The following ZNF841 variants were observed in gnomAD, a reference collection of about 807,000 sequenced individuals.
The protein encoded by ZNF841 is TCONS_00006091.
A neutral mutation model predicts 13.0 loss-of-function variants in ZNF841; 11 were observed. The observed-to-expected ratio is 0.85, with a 90% confidence interval of 0.53 to 1.40. The LOEUF (loss-of-function observed/expected upper bound fraction) is 1.40, where lower values mean the gene tolerates loss of function less well. ZNF841 is among the 40% of genes most tolerant of loss of function. The pLI, the probability that ZNF841 is intolerant of heterozygous loss-of-function variation, is 0.00. For synonymous variants in ZNF841, 369 were observed against 381.6 expected, an observed-to-expected ratio of 0.97 and a Z score of 0.38; for missense variants, 1,068 against 1,139.5, an observed-to-expected ratio of 0.94 and a Z score of 0.90.
intron 6 of ZNF841, among the ~76,000 whole-genome samples, chr19:52,071,941 C>A (rs115872595): frequency 0.012 from 1,770 of 152,260 alleles, 36 homozygotes; most frequent in African/African-American, 0.041. Context: ...TTCAGCTGCA[C>A]ACTATCCAGA....
rs2087559626 is a variant in ZNF841, at chr19:52,066,326, C to T, written c.1556G>A (p.Gly519Asp). 6 of 1,613,884 alleles carry T rather than the reference C, an allele frequency of 3.7e-6. No individual in the cohort carries two copies. The highest frequency in any genetic ancestry group is 5.1e-6 in the Non-Finnish European group (6 of 1,179,852). The change falls in exon 7 of 7, where the codon GGC (glycine) becomes GAC (aspartate). Residue 519 changes from glycine (G) to aspartate (D), a missense_variant. Physicochemically the swap from Gly to Asp is moderately conservative, Grantham distance 94. Transcript: ENST00000594440. ...TAATGAGCCCCAATTAAAGGCTTTG[C>T]CACATTCATTACATTTGTAAGGTTT... The part of the protein sequence containing the change: ...GEKPYKCNEC[G>D]KAFNWGSLLT...
chr19:52,063,324 C>T (rs1301970494), downstream of ZNF841, among the ~76,000 whole-genome samples: 1 of 152,066 alleles, frequency 6.6e-6, no homozygotes, highest in African/African-American at 2.4e-5. Flanking sequence ...TATAAATTCT[C>T]TCAAACTCCA....
chr19:52,066,552 G>A lies in ZNF841; in HGVS notation c.1330C>T (p.Leu444Phe). 6.2e-7 allele frequency: 1 copy of A among 1,613,732 alleles called. No individual in the cohort carries two copies. The highest frequency in any genetic ancestry group is 1.1e-5 in the South Asian group (1 of 91,050). Residue 444 changes from leucine to phenylalanine, a missense_variant, in exon 7 of 7, where the codon CTT (leucine) becomes TTT (phenylalanine). By Grantham distance (22) the Leu-to-Phe change is conservative. Transcript: ENST00000594440. Reference sequence around the variant, plus strand: ...GTATGAATTATCTGGTGCCTTACAAGTTGTGAATTCTGATAAAAGACCTTG... The same window carrying A: ...GTATGAATTATCTGGTGCCTTACAAATTGTGAATTCTGATAAAAGACCTTG... ...CGKVFYQNSQ[L>F]VRHQIIHTGE...
At chr19:52,078,798 T>C (rs1014732645) in intron 4 of ZNF841, among the ~76,000 whole-genome samples, 2 of 151,966 alleles carry the variant, frequency 1.3e-5, no homozygotes, top group African/African-American at 2.4e-5. Context: ...CTGTATCTTA[T>C]GTAGAGAAAA....
At chr19:52,081,309 A>G (rs2088091109) in intron 4 of ZNF841, among the ~76,000 whole-genome samples, 1 of 152,242 alleles carries the variant, frequency 6.6e-6, no homozygotes, top group Non-Finnish European at 1.5e-5. Context: ...TGTTCAACAC[A>G]GATGAAACCA....
intron 5 of ZNF841, chr19:52,076,456 A>T (rs2087904179): frequency 3.0e-6 from 1 of 336,482 alleles, no homozygotes; most frequent in South Asian, 3.0e-5. Flanking sequence ...TGAGCACAGG[A>T]GTTCAAGATC....
In ZNF841 at chr19:52,065,276, C is replaced by T. The variant is rs535615577; in HGVS notation, c.2606G>A (p.Arg869Gln). The T allele has an allele frequency of 9.3e-6, 15 of 1,613,720 alleles. No homozygotes were observed. Among genetic ancestry groups the T allele is most frequent in the East Asian group, 6.7e-5 (3 of 44,876 alleles). ...GRRSCLTKHQRIHSSEKPYKC... is the reference protein window; with the variant it reads ...GRRSCLTKHQQIHSSEKPYKC... Reference sequence around the variant, plus strand: ...ATAAGGTTTTTCACTAGAATGAATTCGTTGGTGTTTAGTGAGGCAAGACCG... The same window carrying T: ...ATAAGGTTTTTCACTAGAATGAATTTGTTGGTGTTTAGTGAGGCAAGACCG... The change falls in exon 7 of 7, where the codon CGA becomes CAA. Residue 869 changes from arginine (R) to glutamine (Q), a missense_variant. Transcript: ENST00000594440.
At chr19:52,095,019 G>T (rs943374458) in intron 1 of ZNF841, among the ~76,000 whole-genome samples, 1 of 151,792 alleles carries the variant, frequency 6.6e-6, no homozygotes, top group Non-Finnish European at 1.5e-5. Flanking sequence ...TTGCTCCGTC[G>T]TTCCCCGTCT....
chr19:52,071,656 TAAATCTA>T (rs1192429664), intron 6 of ZNF841, among the ~76,000 whole-genome samples: 6 of 152,248 alleles, frequency 3.9e-5, no homozygotes, highest in Admixed American at 1.3e-4. Context: ...TAGGATGTTA[TAAATCTA>T]AAGTGTTTTC....
At chr19:52,080,379 A>T (rs1271377786) in intron 4 of ZNF841, among the ~76,000 whole-genome samples, 1 of 152,222 alleles carries the variant, frequency 6.6e-6, no homozygotes, top group Admixed American at 6.5e-5. Flanking sequence ...CAAACAGTAT[A>T]GAAGCTCTGA....
chr19:52,094,360 C>G (rs991960681), intron 1 of ZNF841, among the ~76,000 whole-genome samples: 1 of 152,154 alleles, frequency 6.6e-6, no homozygotes, highest in Admixed American at 6.5e-5. Flanking sequence ...GGTCCTCTCC[C>G]GCTTTCTTCA....
intron 1 of ZNF841, among the ~76,000 whole-genome samples, chr19:52,094,306 A>G (rs903179706): frequency 6.6e-6 from 1 of 152,230 alleles, no homozygotes; most frequent in African/African-American, 2.4e-5. Context: ...TCAATATATT[A>G]CAACCACCAT....
chr19:52,087,982 T>C (rs1350892532), intron 3 of ZNF841, among the ~76,000 whole-genome samples: 2 of 148,798 alleles, frequency 1.3e-5, no homozygotes, highest in African/African-American at 5.0e-5. Flanking sequence ...TATTGACATT[T>C]AGATAATGCA....
At position 52,065,708 on chromosome 19, in the gene ZNF841, A is replaced by G. The variant is rs2123204748; in HGVS notation, c.2174T>C (p.Val725Ala). Residue 725 changes from valine to alanine, a missense_variant, in exon 7 of 7, where the codon GTG becomes GCG. Val to Ala is a moderately conservative substitution (Grantham distance 64, BLOSUM62 0). Coordinates refer to ENST00000594440, the MANE Select transcript of ZNF841 (RefSeq NM_001136499.2). ...TCCAGTATGTCTTCTCTGATGGTAC[A>G]CCAGACTTGTTTTATGACTAAAAGT... is the stretch of plus-strand genomic sequence containing the variant. ...GRTFSHKTSL[V>A]YHQRRHTGEM... 1 of 1,603,652 alleles carries G rather than the reference A, an allele frequency of 6.2e-7. No individual in the cohort carries two copies. Among genetic ancestry groups the G allele is most frequent in the East Asian group, 2.2e-5 (1 of 44,598 alleles).
At chr19:52,061,175 T>C (rs1447095315), downstream of ZNF841, among the ~76,000 whole-genome samples, 2 of 152,170 alleles carry the variant, frequency 1.3e-5, no homozygotes, top group Non-Finnish European at 2.9e-5. Flanking sequence ...TCTTCTCTTT[T>C]CCAAACCACT....
intron 4 of ZNF841, among the ~76,000 whole-genome samples, chr19:52,080,769 G>C (rs182003919): frequency 2.0e-5 from 3 of 152,238 alleles, no homozygotes; most frequent in Admixed American, 6.5e-5. Flanking sequence ...TCAATGAAGA[G>C]ATGACAAGCA....
At chr19:52,061,107 G>C (rs1014047268), downstream of ZNF841, among the ~76,000 whole-genome samples, 2 of 152,146 alleles carry the variant, frequency 1.3e-5, no homozygotes, top group Non-Finnish European at 2.9e-5. Context: ...GGCCCTAAAG[G>C]GGGGATGCCC....
the ZNF841 span, chr19:52,058,647 A>G: frequency 6.5e-6 from 1 of 152,826 alleles, no homozygotes; most frequent in East Asian, 1.9e-4. Flanking sequence ...AGTGCTTCCG[A>G]AATACTGCTT....
intron 6 of ZNF841, among the ~76,000 whole-genome samples, chr19:52,075,289 G>A (rs1257847652): frequency 6.6e-6 from 1 of 152,230 alleles, no homozygotes; most frequent in Non-Finnish European, 1.5e-5. Context: ...ATTGGATTGT[G>A]AGGGATCTTG....
Sources: allele counts gnomAD v4.1 joint callset (sites outside exome capture counted in the v4.1 genomes callset), GRCh38; gene constraint gnomAD v4.1.1; transcripts MANE v1.5; gene names NCBI Gene and HGNC (gene_info 2026-07-23, HGNC 2026-07-21).